Variants in ADGRB3 observed in about 807,000 individuals in gnomAD.
ADGRB3 encodes the protein adhesion G protein-coupled receptor B3.
Under a neutral mutation model 193.4 loss-of-function variants are expected in ADGRB3, and 37 were observed. The observed-to-expected ratio is 0.19, with a 90% CI of 0.15 to 0.25. ADGRB3 has a LOEUF of 0.25. ADGRB3 is among the 10% of genes least tolerant of loss of function. The pLI is 1.00. For synonymous variants in ADGRB3, 690 were observed against 644.2 expected (o/e 1.07, Z -1.08); for missense variants, 1,637 against 1,852.9 (o/e 0.88, Z 2.14).
At chr6:68,754,716 C>G (rs1330458040) in intron 3 of ADGRB3, among the ~76,000 whole-genome samples, 3 of 141,550 alleles carry the variant, frequency 2.1e-5, no homozygotes, top group African/African-American at 8.1e-5. Context: ...ATGTGGAAGT[C>G]ATGGGTGGAG....
intron 3 of ADGRB3, among the ~76,000 whole-genome samples, chr6:68,793,991 C>G (rs918072500): frequency 6.6e-6 from 1 of 152,096 alleles, no homozygotes. Context: ...AGAGACTTTC[C>G]ACTGCTGCTT....
intron 26 of ADGRB3, among the ~76,000 whole-genome samples, chr6:69,342,868 A>G (rs1769004172): frequency 6.6e-6 from 1 of 152,060 alleles, no homozygotes; most frequent in Non-Finnish European, 1.5e-5. Flanking sequence ...CTTAAAATAT[A>G]TAAGCAATGT....
chr6:68,804,626 A>C (rs1415143739), intron 3 of ADGRB3, among the ~76,000 whole-genome samples: 2 of 152,140 alleles, frequency 1.3e-5, no homozygotes, highest in Non-Finnish European at 2.9e-5. Context: ...GAAATTCTGT[A>C]ATATTTCTCT....
intron 17 of ADGRB3, among the ~76,000 whole-genome samples, chr6:69,201,984 G>A (rs983437414): frequency 1.3e-5 from 2 of 152,058 alleles, no homozygotes; most frequent in Non-Finnish European, 2.9e-5. Flanking sequence ...CTTCTCTATA[G>A]CTCTTTGTAT....
intron 3 of ADGRB3, among the ~76,000 whole-genome samples, chr6:68,756,538 A>G (rs934933765): frequency 6.6e-6 from 1 of 152,148 alleles, no homozygotes; most frequent in African/African-American, 2.4e-5. Flanking sequence ...GTTTGATAAA[A>G]TGACGATGGA....
chr6:68,771,246 C>CT lies in ADGRB3; in HGVS notation c.757+131822dup, dbSNP rs200875652. 1.0e-3 allele frequency among the ~76,000 whole-genome samples: 157 copies of CT among 151,844 alleles called. 3 individuals carry two copies. The highest frequency in any genetic ancestry group is 4.8e-3 in the Admixed American group (73 of 15,214). ...ATTATTGAATGCACAGTGTTTTCTT[C>CT]TTTTTTTTCATAAGAAGTTGAAAAG... On this transcript the variant is annotated intron_variant, in intron 3 of 31. Coordinates refer to ENST00000370598, the MANE Select transcript of ADGRB3 (RefSeq NM_001704.3).
At chr6:69,337,126 CT>C (rs1768866452) in intron 24 of ADGRB3, among the ~76,000 whole-genome samples, 1 of 152,160 alleles carries the variant, frequency 6.6e-6, no homozygotes. Flanking sequence ...GTCTAAAATA[CT>C]TACACTATGT....
In ADGRB3 at chr6:69,378,652, C is replaced by T. The variant is rs142627738; in HGVS notation, c.4276-4179C>T. ...TGCAACGTAAGTCTGATTACTGAAA[C>T]TGGGGCTAAAAGGAGATTAGATTTT... On this transcript the variant is annotated intron_variant, in intron 30 of 31. Transcript: ENST00000370598. 5.6e-3 allele frequency among the ~76,000 whole-genome samples: 851 copies of T among 152,100 alleles called. 9 individuals carry two copies. Among genetic ancestry groups the T allele is most frequent in the African/African-American group, 0.02 (819 of 41,522 alleles).
chr6:69,234,991 A>T, intron 18 of ADGRB3, 41 bp from the exon 19 acceptor site: 1 of 1,503,848 alleles, frequency 6.6e-7, no homozygotes, highest in Non-Finnish European at 9.2e-7. Flanking sequence ...TTAATTTATT[A>T]AAAACCAATT....
At chr6:69,273,493 C>G (rs1468234512) in intron 20 of ADGRB3, among the ~76,000 whole-genome samples, 2 of 152,032 alleles carry the variant, frequency 1.3e-5, no homozygotes, top group African/African-American at 4.8e-5. Flanking sequence ...TTGTAGTTCT[C>G]AATAATTTTA....
At position 68,854,878 on chromosome 6, in the gene ADGRB3, ATC is replaced by A. The variant is rs1764935611; in HGVS notation, c.758-75675_758-75674del. On this transcript the variant is annotated intron_variant, in intron 3 of 31. Transcript: ENST00000370598. ...CAGAGTCTCTCCCAGCATTGCCTTT[ATC>A]TCTCTGGGATGCTGGCCAAAGATAT... 3.3e-5 allele frequency among the ~76,000 whole-genome samples: 5 copies of A among 152,188 alleles called. No individual in the cohort carries two copies. The South Asian group carries it at 8.3e-4, about 25-fold the overall frequency.
intron 20 of ADGRB3, among the ~76,000 whole-genome samples, chr6:69,318,636 T>C (rs1409015032): frequency 6.6e-6 from 1 of 151,408 alleles, no homozygotes; most frequent in African/African-American, 2.4e-5. Flanking sequence ...ATTTGGATGT[T>C]GCTTACATTT....
chr6:68,741,215 C>A (rs1463034316), intron 3 of ADGRB3, among the ~76,000 whole-genome samples: 1 of 152,058 alleles, frequency 6.6e-6, no homozygotes, highest in East Asian at 1.9e-4. Context: ...ACATTTAATT[C>A]TCATGAAACT....
intron 3 of ADGRB3, among the ~76,000 whole-genome samples, chr6:68,885,007 T>C (rs1434038643): frequency 6.6e-6 from 1 of 152,188 alleles, no homozygotes; most frequent in African/African-American, 2.4e-5. Context: ...ATATGAAAAG[T>C]TAATCATAAA....
At chr6:69,056,184 T>G (rs1771540750) in intron 15 of ADGRB3, among the ~76,000 whole-genome samples, 1 of 152,180 alleles carries the variant, frequency 6.6e-6, no homozygotes, top group South Asian at 2.1e-4. Context: ...GATAACCCAT[T>G]GTAGTTTTGA....
intron 17 of ADGRB3, among the ~76,000 whole-genome samples, chr6:69,103,360 C>G (rs1773119583): frequency 6.6e-6 from 1 of 151,878 alleles, no homozygotes; most frequent in Non-Finnish European, 1.5e-5. Flanking sequence ...AAGTAGACAT[C>G]AAAAAAACTA....
intron 3 of ADGRB3, among the ~76,000 whole-genome samples, chr6:68,659,838 G>A (rs1280356781): frequency 6.6e-6 from 1 of 151,026 alleles, no homozygotes; most frequent in Non-Finnish European, 1.5e-5. Flanking sequence ...TAACACAGCA[G>A]TAACCATCTT....
intron 24 of ADGRB3, among the ~76,000 whole-genome samples, chr6:69,337,089 A>G (rs1561991572): frequency 6.6e-6 from 1 of 152,200 alleles, no homozygotes; most frequent in Non-Finnish European, 1.5e-5. Context: ...AGACAGGCCC[A>G]TACTTAGATT....
At chr6:69,078,771 C>T (rs994228741) in intron 17 of ADGRB3, among the ~76,000 whole-genome samples, 21 of 151,980 alleles carry the variant, frequency 1.4e-4, no homozygotes, top group Admixed American at 2.6e-4. Flanking sequence ...AGCATGCATT[C>T]CTTTTTCTTA....
Sources: allele counts gnomAD v4.1 joint callset (sites outside exome capture counted in the v4.1 genomes callset), GRCh38; gene constraint gnomAD v4.1.1; transcripts MANE v1.5; gene names NCBI Gene and HGNC (gene_info 2026-07-23, HGNC 2026-07-21).